Variants in NTN4 observed in about 807,000 individuals in gnomAD.
NTN4 encodes the protein netrin 4.
A neutral mutation model predicts 73.6 loss-of-function variants in NTN4; 32 were observed. That is an observed-to-expected ratio of 0.44 (90% CI 0.33 to 0.58). The LOEUF (loss-of-function observed/expected upper bound fraction) is 0.58. Ranked by LOEUF, NTN4 falls within the 20% of genes least tolerant of loss-of-function variation. The pLI is 0.04. For missense variants in NTN4, 654 were observed against 798.3 expected, an observed-to-expected ratio of 0.82 and a Z score of 2.18; for synonymous variants, 258 against 287.5, an observed-to-expected ratio of 0.90 and a Z score of 1.04.
intron 2 of NTN4, among the ~76,000 whole-genome samples, chr12:95,754,738 A>G (rs1394408885): frequency 6.6e-6 from 1 of 150,552 alleles, no homozygotes; most frequent in Non-Finnish European, 1.5e-5. Flanking sequence ...GTAATTTTCC[A>G]TTACCTTCCC....
At chr12:95,730,675 A>T (rs1210103750) in intron 3 of NTN4, among the ~76,000 whole-genome samples, 4 of 152,204 alleles carry the variant, frequency 2.6e-5, no homozygotes, top group Admixed American at 2.6e-4. Flanking sequence ...AATAAAGTAA[A>T]ATCAACATTC....
intron 5 of NTN4, among the ~76,000 whole-genome samples, chr12:95,696,069 T>C (rs1015387657): frequency 2.7e-5 from 4 of 150,720 alleles, no homozygotes; most frequent in African/African-American, 7.3e-5. Context: ...GCCTCCTGTA[T>C]TTCCAATCTA....
At chr12:95,786,291 A>G (rs2079166967) in intron 2 of NTN4, among the ~76,000 whole-genome samples, 1 of 152,252 alleles carries the variant, frequency 6.6e-6, no homozygotes, top group African/African-American at 2.4e-5. Context: ...AGAGCTAAAA[A>G]GAGACCTGTT....
intron 9 of NTN4, 31 bp from the exon 10 acceptor site, chr12:95,659,253 G>A (rs780640589): frequency 1.3e-6 from 2 of 1,550,416 alleles, no homozygotes; most frequent in South Asian, 2.4e-5. Context: ...GGGCTATACA[G>A]TATCATACTT....
intron 5 of NTN4, among the ~76,000 whole-genome samples, chr12:95,685,141 A>G (rs1449526416): frequency 6.6e-6 from 1 of 152,012 alleles, no homozygotes; most frequent in African/African-American, 2.4e-5. Flanking sequence ...GCTGGGATTG[A>G]TTACAGGCGT....
chr12:95,729,024 C>T (rs1196035199), intron 3 of NTN4, among the ~76,000 whole-genome samples: 5 of 152,146 alleles, frequency 3.3e-5, no homozygotes, highest in African/African-American at 1.2e-4. Flanking sequence ...GCAGATGCTG[C>T]CATGCTTCCT....
chr12:95,765,563 G>T (rs1488846755), intron 2 of NTN4, among the ~76,000 whole-genome samples: 1 of 152,168 alleles, frequency 6.6e-6, no homozygotes, highest in Non-Finnish European at 1.5e-5. Flanking sequence ...AGATGTATTT[G>T]TACGTTAGTT....
intron 5 of NTN4, among the ~76,000 whole-genome samples, chr12:95,696,393 T>G (rs1400843889): frequency 6.6e-6 from 1 of 152,134 alleles, no homozygotes; most frequent in Non-Finnish European, 1.5e-5. Flanking sequence ...GAACTATTTG[T>G]GTCATTTAAA....
At chr12:95,660,622 T>C (rs1023816713) in intron 9 of NTN4, among the ~76,000 whole-genome samples, 4 of 152,190 alleles carry the variant, frequency 2.6e-5, no homozygotes, top group African/African-American at 9.6e-5. Flanking sequence ...TGCCCTTAGT[T>C]AATGTTTGTA....
intron 9 of NTN4, among the ~76,000 whole-genome samples, chr12:95,664,548 GCT>G (rs914624585): frequency 6.6e-6 from 1 of 151,692 alleles, no homozygotes; most frequent in Non-Finnish European, 1.5e-5. Context: ...GTTAGTTTAT[GCT>G]CTCTTTCTCT....
At chr12:95,755,959 G>A (rs528184389) in intron 2 of NTN4, among the ~76,000 whole-genome samples, 2 of 152,160 alleles carry the variant, frequency 1.3e-5, no homozygotes, top group African/African-American at 4.8e-5. Context: ...TTGCCCTCAG[G>A]ACTTGAAGTC....
chr12:95,741,604 C>CA (rs959434892), intron 2 of NTN4, among the ~76,000 whole-genome samples: 5 of 140,722 alleles, frequency 3.6e-5, no homozygotes, highest in African/African-American at 1.3e-4. Flanking sequence ...TATAGCCACT[C>CA]AAGCTTTCTT....
At position 95,790,293 on chromosome 12, in the gene NTN4, C is replaced by G; in HGVS notation, c.17G>C (p.Arg6Pro). ...CGTGCAGCCCCAGAGCAGCAGCAGC[C>G]GCGCGCAGCTCCCCATGGCCGGGAG... The part of the protein sequence containing the change: MGSCA[R>P]LLLLWGCTVV... Residue 6 changes from arginine (R) to proline (P), a missense_variant, in exon 1 of 10, where the codon CGG becomes CCG. Coordinates refer to ENST00000343702, the MANE Select transcript of NTN4 (RefSeq NM_021229.4). This position sits in a 1 kb window ranked among gnomAD's most constrained non-coding sequence, Gnocchi z 6.5. The G allele has an allele frequency of 6.5e-7, 1 of 1,532,978 alleles. No homozygotes were observed. Among genetic ancestry groups the G allele is most frequent in the Non-Finnish European group, 8.8e-7 (1 of 1,140,298 alleles). The allele number at this position is 1,532,978 out of a possible 1,614,324, so 95.0% of individuals were successfully genotyped here. A position where few individuals can be genotyped will look rare whatever the true frequency, so the allele number is the denominator to read the frequency against.
chr12:95,698,528 A>G (rs2121044692), intron 5 of NTN4, among the ~76,000 whole-genome samples: 1 of 152,256 alleles, frequency 6.6e-6, no homozygotes, highest in South Asian at 2.1e-4. Context: ...CTCTTCCCAA[A>G]TGTGACTGAT....
chr12:95,724,045 A>C (rs1404706247), intron 3 of NTN4, among the ~76,000 whole-genome samples: 2 of 152,084 alleles, frequency 1.3e-5, no homozygotes, highest in African/African-American at 4.8e-5. Context: ...AATCAAGAAT[A>C]CTTGAGGATT....
chr12:95,678,182 A>G (rs1047035030), intron 7 of NTN4, among the ~76,000 whole-genome samples: 2 of 148,906 alleles, frequency 1.3e-5, no homozygotes, highest in African/African-American at 4.9e-5. Flanking sequence ...ACTGGGGCCT[A>G]TTAGGGGTGT....
At chr12:95,714,560 A>G (rs1321337805) in intron 3 of NTN4, among the ~76,000 whole-genome samples, 6 of 152,192 alleles carry the variant, frequency 3.9e-5, no homozygotes, top group African/African-American at 7.2e-5. Flanking sequence ...AAAATGTATA[A>G]TAGCTGGAGA....
intron 3 of NTN4, among the ~76,000 whole-genome samples, chr12:95,724,767 T>A (rs1041051894): frequency 2.0e-5 from 3 of 152,190 alleles, no homozygotes; most frequent in Non-Finnish European, 2.9e-5. Flanking sequence ...TCAAGCCAAA[T>A]TGCTACTAGG....
At chr12:95,741,344 A>G (rs954026255) in intron 2 of NTN4, among the ~76,000 whole-genome samples, 16 of 144,352 alleles carry the variant, frequency 1.1e-4, no homozygotes, top group Non-Finnish European at 2.0e-4. Flanking sequence ...ATTAAATACA[A>G]TTATATATAA....
Sources: gnomAD v4.1 joint callset for allele counts (sites outside exome capture counted in the v4.1 genomes callset) on GRCh38, gnomAD v4.1.1 for gene constraint, Gnocchi (gnomAD v3.1) non-coding constraint, MANE v1.5 for transcripts, NCBI Gene and HGNC (gene_info 2026-07-23, HGNC 2026-07-21) for gene names.